The following C8orf76 variants were observed in gnomAD, a reference collection of about 807,000 sequenced individuals.
C8orf76 encodes the protein uncharacterized protein C8orf76.
C8orf76 carries 46 observed loss-of-function variants against 38.1 expected under a neutral mutation model. The observed-to-expected ratio is 1.21, with a 90% CI of 0.95 to 1.54. The LOEUF (loss-of-function observed/expected upper bound fraction) is 1.54, where lower values mean the gene tolerates loss of function less well. Among genes scored for constraint, C8orf76 ranks in the 40% most tolerant of loss-of-function variants. The pLI is 0.00. For missense variants in C8orf76, 461 were observed against 441.6 expected, an observed-to-expected ratio of 1.04 and a Z score of -0.39; for synonymous variants, 166 against 167.5, an observed-to-expected ratio of 0.99 and a Z score of 0.07.
In C8orf76 at chr8:123,237,837, C is replaced by T. The variant is rs770396131; in HGVS notation, c.318G>A (p.Leu106=). Residue 106 remains leucine, a synonymous_variant, in exon 3 of 6, where the codon CTG becomes CTA. Transcript: ENST00000276704. The stretch of plus-strand genomic sequence containing the variant: ...TCTCCAGCGCCTCCATATGCCTACC[C>T]AGGTGAGCCAGACACCGAGCCTGAC... ...QEGQARCLAH[L]GRHMEALEIA... 55 of 1,613,840 alleles carry T rather than the reference C, an allele frequency of 3.4e-5. No individual in the cohort carries two copies. Among genetic ancestry groups the T allele is most frequent in the Non-Finnish European group, 2.5e-5 (29 of 1,179,980 alleles).
chr8:123,224,820 AC>A (rs1688785355), intron 5 of C8orf76, among the ~76,000 whole-genome samples: 1 of 152,272 alleles, frequency 6.6e-6, no homozygotes, highest in African/African-American at 2.4e-5. Flanking sequence ...CTTATAAGGA[AC>A]CTAGTATCTA....
intron 1 of C8orf76, among the ~76,000 whole-genome samples, chr8:123,240,473 A>C (rs758287315): frequency 2.6e-5 from 4 of 152,266 alleles, no homozygotes; most frequent in Non-Finnish European, 4.4e-5. Context: ...CGTATTTTCC[A>C]TAAATATTAG....
chr8:123,231,745 T>C lies in C8orf76; in HGVS notation c.370A>G (p.Thr124Ala). The C allele has an allele frequency of 6.3e-7, 1 of 1,578,222 alleles. No homozygotes were observed. Among genetic ancestry groups the C allele is most frequent in the South Asian group, 1.2e-5 (1 of 85,864 alleles). ...ACCGTGGTTAAATGGTCTGTGTTGG[T>C]TGCTTTATTTTCCTAAGGAGAAAAA... ...EIAANLENKA[T>A]NTDHLTTVLY... The change falls in exon 4 of 6, where the codon ACC becomes GCC. Residue 124 changes from threonine (T) to alanine (A), a missense_variant. Physicochemically the swap from Thr to Ala is moderately conservative, Grantham distance 58 (BLOSUM62 0). Transcript: ENST00000276704.
intron 4 of C8orf76, among the ~76,000 whole-genome samples, chr8:123,228,633 C>G (rs904216458): frequency 3.3e-5 from 5 of 151,630 alleles, no homozygotes; most frequent in African/African-American, 1.2e-4. Context: ...AAAAAAAACA[C>G]CAAAACCCAA....
chr8:123,237,749 G>T, intron 3 of C8orf76, 49 bp downstream of exon 3: 2 of 1,543,718 alleles, frequency 1.3e-6, no homozygotes, highest in South Asian at 2.5e-5. Flanking sequence ...TACACCATTC[G>T]ACCACCCTTA....
intron 3 of C8orf76, among the ~76,000 whole-genome samples, chr8:123,235,578 C>T (rs1350447767): frequency 6.6e-6 from 1 of 152,182 alleles, no homozygotes; most frequent in African/African-American, 2.4e-5. Context: ...ACCCCACGAG[C>T]CCGCTTTCCA....
At chr8:123,228,287 C>G (rs1825119570) in intron 4 of C8orf76, among the ~76,000 whole-genome samples, 1 of 152,162 alleles carries the variant, frequency 6.6e-6, no homozygotes, top group Non-Finnish European at 1.5e-5. Flanking sequence ...TCCTTAGCTC[C>G]TCCTTCTAAT....
chr8:123,225,276 A>C (rs1168383495), intron 5 of C8orf76, among the ~76,000 whole-genome samples: 1 of 152,062 alleles, frequency 6.6e-6, no homozygotes, highest in Admixed American at 6.6e-5. Context: ...CAAAGTGCTG[A>C]GATTACAGGA....
intron 3 of C8orf76, among the ~76,000 whole-genome samples, chr8:123,233,011 T>C (rs1260643167): frequency 2.0e-5 from 3 of 152,178 alleles, no homozygotes; most frequent in African/African-American, 7.2e-5. Flanking sequence ...TAGGGCTTTA[T>C]ATTGTTCAAA....
chr8:123,228,180 C>T (rs543013068), intron 4 of C8orf76, among the ~76,000 whole-genome samples: 1 of 152,320 alleles, frequency 6.6e-6, no homozygotes, highest in Admixed American at 6.5e-5. Flanking sequence ...CCTGTCTATT[C>T]TATCGTGCAG....
At position 123,241,289 on chromosome 8, in the gene C8orf76, T is replaced by C; in HGVS notation, c.58A>G (p.Arg20Gly). The C allele has an allele frequency of 6.3e-7, 1 of 1,580,784 alleles. No homozygotes were observed. Among genetic ancestry groups the C allele is most frequent in the Non-Finnish European group, 8.6e-7 (1 of 1,168,144 alleles). Reference sequence around the variant, plus strand: ...GGCGGTCCTGACCGCCGCTCCGGCCTCTCCTCGAACACCGAGTCCTCGAAC... The same window carrying C: ...GGCGGTCCTGACCGCCGCTCCGGCCCCTCCTCGAACACCGAGTCCTCGAAC... ...GEFEDSVFEE[R>G]PERRSGPPAS... The change falls in exon 1 of 6, where the codon AGG (arginine) becomes GGG (glycine). Residue 20 changes from arginine to glycine, a missense_variant. Arg to Gly is a moderately radical substitution (Grantham distance 125). Coordinates refer to ENST00000276704, the MANE Select transcript of C8orf76 (RefSeq NM_032847.3).
intron 5 of C8orf76, among the ~76,000 whole-genome samples, chr8:123,220,560 C>T (rs1456189587): frequency 6.6e-6 from 1 of 152,160 alleles, no homozygotes; most frequent in East Asian, 1.9e-4. Flanking sequence ...CCTCATTCTC[C>T]CCAAGTGAAA....
rs780279356 is a variant in C8orf76, at chr8:123,220,218, G to A, written c.1028C>T (p.Thr343Ile). Residue 343 changes from threonine to isoleucine, a missense_variant, in exon 6 of 6, where the codon ACT (threonine) becomes ATT (isoleucine). Thr to Ile is a moderately conservative substitution (Grantham distance 89). Coordinates refer to ENST00000276704, the MANE Select transcript of C8orf76 (RefSeq NM_032847.3). ...EVKCVGSVAL[T>I]ALVTVSSEEF... Reference sequence around the variant, plus strand: ...TTCTGAGGATACAGTCACCAAGGCAGTCAGGGCTACGGAGCCAACACACTT... The same window carrying A: ...TTCTGAGGATACAGTCACCAAGGCAATCAGGGCTACGGAGCCAACACACTT... The A allele has an allele frequency of 1.2e-6, 2 of 1,613,842 alleles. No homozygotes were observed. The highest frequency in any genetic ancestry group is 2.2e-5 in the South Asian group (2 of 91,040).
intron 1 of C8orf76, 67 bp downstream of exon 1, chr8:123,241,163 G>C: frequency 6.8e-7 from 1 of 1,462,556 alleles, no homozygotes; most frequent in Non-Finnish European, 9.0e-7. Context: ...GCCGAGGCCG[G>C]GGCCGGGGCC....
intron 5 of C8orf76, among the ~76,000 whole-genome samples, chr8:123,225,048 C>T (rs1824996730): frequency 6.6e-6 from 1 of 152,122 alleles, no homozygotes; most frequent in South Asian, 2.1e-4. Flanking sequence ...CTCTGTTGCC[C>T]AGGCTGTAGT....
chr8:123,237,190 A>C, intron 3 of C8orf76: 1 of 679,536 alleles, frequency 1.5e-6, no homozygotes, highest in Non-Finnish European at 2.7e-6. Flanking sequence ...CCACACCAAC[A>C]ACCTGTACCC....
At chr8:123,233,319 T>A (rs1329292955) in intron 3 of C8orf76, among the ~76,000 whole-genome samples, 2 of 151,828 alleles carry the variant, frequency 1.3e-5, no homozygotes, top group Non-Finnish European at 2.9e-5. Context: ...GTGCCCAGCC[T>A]CAAAAACATT....
chr8:123,219,997 CATAA>C lies in C8orf76; in HGVS notation c.*102_*105del, dbSNP rs1255391959. 19 of 625,218 alleles carry C rather than the reference CATAA, an allele frequency of 3.0e-5. No individual in the cohort carries two copies. Among genetic ancestry groups the C allele is most frequent in the South Asian group, 6.1e-5 (2 of 32,818 alleles). The allele number at this position is 625,218 out of a possible 1,614,324, so 38.7% of individuals were successfully genotyped here. On this transcript the variant is annotated 3_prime_UTR_variant, in exon 6 of 6. Transcript: ENST00000276704. ...TGAGACAGAAGCCAGTTTTATAAAA[CATAA>C]ATAATCATTTATACTCCATGATTAG...
At position 123,231,773 on chromosome 8, in the gene C8orf76, A is replaced by G. The variant is rs1166357076; in HGVS notation, c.358-16T>C. The G allele has an allele frequency of 6.5e-7, 1 of 1,542,276 alleles. No individual in the cohort carries two copies. Among genetic ancestry groups the G allele is most frequent in the Non-Finnish European group, 8.6e-7 (1 of 1,156,320 alleles). The stretch of plus-strand genomic sequence containing the variant: ...CTTTATTTTCCTAAGGAGAAAAAAA[A>G]AAGGTTAAGAAGTTTAAACTTCAAA... On this transcript the variant is annotated splice_polypyrimidine_tract_variant and intron_variant, in intron 3 of 5. Coordinates refer to ENST00000276704, the MANE Select transcript of C8orf76 (RefSeq NM_032847.3).
Sources: gnomAD v4.1 joint callset for allele counts (sites outside exome capture counted in the v4.1 genomes callset) on GRCh38, gnomAD v4.1.1 for gene constraint, MANE v1.5 for transcripts, NCBI Gene and HGNC (gene_info 2026-07-23, HGNC 2026-07-21) for gene names.